The following PDPK1 variants were observed in gnomAD, a reference collection of about 807,000 sequenced individuals.
PDPK1 encodes 3-phosphoinositide-dependent protein kinase 1.
A neutral mutation model predicts 39.8 loss-of-function variants in PDPK1; 7 were observed. That is an observed-to-expected ratio of 0.18 (90% CI 0.10 to 0.33). The LOEUF is 0.33. Ranked by LOEUF, PDPK1 falls within the 10% of genes least tolerant of loss-of-function variation. The probability of loss-of-function intolerance (pLI) is 1.00; values close to 1 mark genes in which losing one functional copy is unlikely to be tolerated. For missense variants in PDPK1, 182 were observed against 384.7 expected (o/e 0.47, Z 4.41); for synonymous variants, 118 against 159.1 (o/e 0.74, Z 1.95).
Position 2,598,681 on chromosome 16 carries a change from C to T in PDPK1, c.*914C>T, listed in dbSNP as rs913050675. On this transcript the variant is annotated 3_prime_UTR_variant, in exon 14 of 14. Coordinates refer to ENST00000342085, the MANE Select transcript of PDPK1 (RefSeq NM_002613.5). ...CAGAGCAGAGAGGGCTGCTGACTTC[C>T]GTGTGGAGCAGAGAGGCCTGAGGGC... is the stretch of plus-strand genomic sequence containing the variant. 15 of 233,282 alleles carry T rather than the reference C, an allele frequency of 6.4e-5. No individual in the cohort carries two copies. The highest frequency in any genetic ancestry group is 1.8e-4 in the South Asian group (1 of 5,540). The allele number at this position is 233,282 out of a possible 1,614,324, so 14.5% of individuals were successfully genotyped here.
Position 2,597,864 on chromosome 16 carries a change from C to A in PDPK1, c.*97C>A. ...CGCTTCCAGACCACCTGCCAGCCAT[C>A]ACAAGGGGAACGCAGAGGCGGAAAC... On this transcript the variant is annotated 3_prime_UTR_variant, in exon 14 of 14. Transcript: ENST00000342085. This position sits in a 1 kb window ranked among gnomAD's most constrained non-coding sequence, Gnocchi z 6.3. 1 of 745,430 alleles carries A rather than the reference C, an allele frequency of 1.3e-6. No homozygotes were observed. The highest frequency in any genetic ancestry group is 2.3e-6 in the Non-Finnish European group (1 of 431,406). 46.2% of individuals were successfully genotyped at this position (745,430 alleles called of 1,614,324 possible). A position where few individuals can be genotyped will look rare whatever the true frequency, so the allele number is the denominator to read the frequency against.
chr16:2,547,356 CAG>C (rs1238480804), intron 1 of PDPK1, among the ~76,000 whole-genome samples: 1 of 126,294 alleles, frequency 7.9e-6, no homozygotes, highest in Admixed American at 7.6e-5. Context: ...CTCAGACGCT[CAG>C]ATGCTCGGAG....
intron 1 of PDPK1, 117 bp downstream of exon 1, chr16:2,538,253 C>T (rs1007150539): frequency 7.0e-6 from 3 of 429,532 alleles, no homozygotes; most frequent in Non-Finnish European, 9.5e-6. Flanking sequence ...GCCTCCTTAC[C>T]TGCAGCCGGG....
At chr16:2,541,021 T>C (rs1468938753) in intron 1 of PDPK1, among the ~76,000 whole-genome samples, 1 of 152,026 alleles carries the variant, frequency 6.6e-6, no homozygotes, top group Non-Finnish European at 1.5e-5. Context: ...TGGTGCATAG[T>C]GTGATGTATT....
intron 11 of PDPK1, among the ~76,000 whole-genome samples, chr16:2,591,072 C>T (rs1460615951): frequency 6.6e-6 from 1 of 151,874 alleles, no homozygotes; most frequent in African/African-American, 2.4e-5. Flanking sequence ...AAGCATTTCT[C>T]CTGCCTCAGC....
chr16:2,539,663 G>A (rs535404710), intron 1 of PDPK1: 1 of 152,276 alleles, frequency 6.6e-6, no homozygotes, highest in African/African-American at 2.4e-5. Context: ...AGAGTGGCCC[G>A]GGTAACATAA....
rs988882116 is a variant in PDPK1 at position 2,600,377 on chromosome 16, G to C, written c.*2610G>C. 14 of 232,818 alleles carry C rather than the reference G, an allele frequency of 6.0e-5. No individual in the cohort carries two copies. Among genetic ancestry groups the C allele is most frequent in the Non-Finnish European group, 1.0e-4 (12 of 118,086 alleles). The allele number at this position is 232,818 out of a possible 1,614,324, so 14.4% of individuals were successfully genotyped here. Reference sequence around the variant, plus strand: ...TCTCGGCACAAAGCGGAGGGAGGCTGTGGTCGCTGCCGGCCTAGGTGTCCC... The same window carrying C: ...TCTCGGCACAAAGCGGAGGGAGGCTCTGGTCGCTGCCGGCCTAGGTGTCCC... On this transcript the variant is annotated 3_prime_UTR_variant, in exon 14 of 14. Transcript: ENST00000342085.
chr16:2,596,229 TCC>T (rs2067098347), intron 12 of PDPK1, among the ~76,000 whole-genome samples: 2 of 152,184 alleles, frequency 1.3e-5, no homozygotes, highest in South Asian at 4.1e-4. Context: ...TCTTGCTCTG[TCC>T]CCCAGGCTAG....
At chr16:2,586,967 C>A in intron 11 of PDPK1, 74 bp downstream of exon 11, 1 of 1,325,374 alleles carries the variant, frequency 7.5e-7, no homozygotes, top group Non-Finnish European at 1.1e-6. Context: ...ATGGTGGGTG[C>A]CTTTGCCTTG....
intron 11 of PDPK1, among the ~76,000 whole-genome samples, chr16:2,587,929 T>C (rs1411374815): frequency 1.3e-5 from 2 of 152,216 alleles, no homozygotes; most frequent in African/African-American, 4.8e-5. Context: ...TCCCCCCTAA[T>C]ATTTTTACCT....
At chr16:2,595,667 C>A in intron 11 of PDPK1, 126 bp from the exon 12 acceptor site, 1 of 751,576 alleles carries the variant, frequency 1.3e-6, no homozygotes, top group Non-Finnish European at 2.4e-6. Context: ...CTCTGCTCAT[C>A]CCAAAGTGAG....
At chr16:2,544,889 A>T (rs1597018813) in intron 1 of PDPK1, among the ~76,000 whole-genome samples, 2 of 151,408 alleles carry the variant, frequency 1.3e-5, no homozygotes, top group African/African-American at 2.4e-5. Flanking sequence ...CTGGCCCAAA[A>T]TTTTTTTCTA....
At chr16:2,547,017 G>A (rs1465796679) in intron 1 of PDPK1, among the ~76,000 whole-genome samples, 3 of 149,144 alleles carry the variant, frequency 2.0e-5, no homozygotes, top group Admixed American at 2.0e-4. Flanking sequence ...GTGCTGGCTG[G>A]CACACAGCAC....
intron 11 of PDPK1, among the ~76,000 whole-genome samples, chr16:2,588,288 G>T (rs2066918128): frequency 6.6e-6 from 1 of 152,178 alleles, no homozygotes; most frequent in South Asian, 2.1e-4. Context: ...CAGGAGAGGA[G>T]GGCTCTTGAT....
chr16:2,601,874 TTTGG>T lies in PDPK1; in HGVS notation c.*4112_*4115del. ...TGGCAGCAAGTCCAGACCACCCAAA[TTTGG>T]TTGGATTCTTCATTTCTCCACTGTA... is the stretch of plus-strand genomic sequence containing the variant. On this transcript the variant is annotated 3_prime_UTR_variant, in exon 14 of 14. Coordinates refer to ENST00000342085, the MANE Select transcript of PDPK1 (RefSeq NM_002613.5). 1 of 227,686 alleles carries T rather than the reference TTTGG, an allele frequency of 4.4e-6. No individual in the cohort carries two copies. Among genetic ancestry groups the T allele is most frequent in the African/African-American group, 2.2e-5 (1 of 44,882 alleles). The allele number at this position is 227,686 out of a possible 1,614,324, so 14.1% of individuals were successfully genotyped here.
Position 2,598,116 on chromosome 16 carries a change from C to T in PDPK1, c.*349C>T, listed in dbSNP as rs1419250354. On this transcript the variant is annotated 3_prime_UTR_variant, in exon 14 of 14. Transcript: ENST00000342085. ...TGGTGTCACCAGTTTTTCCTAGCAT[C>T]AGTCCGAACCATGCGCCCGCCCTGC... 3.1e-6 allele frequency: 1 copy of T among 322,652 alleles called. No individual in the cohort carries two copies. Among genetic ancestry groups the T allele is most frequent in the East Asian group, 5.1e-5 (1 of 19,546 alleles). The allele number at this position is 322,652 out of a possible 1,614,324, so 20.0% of individuals were successfully genotyped here.
At position 2,598,963 on chromosome 16, in the gene PDPK1, C is replaced by T. The variant is rs1356517873; in HGVS notation, c.*1196C>T. 6 of 233,236 alleles carry T rather than the reference C, an allele frequency of 2.6e-5. No homozygotes were observed. The highest frequency in any genetic ancestry group is 4.2e-5 in the Non-Finnish European group (5 of 118,074). 14.4% of individuals were successfully genotyped at this position (233,236 alleles called of 1,614,324 possible). A position where few individuals can be genotyped will look rare whatever the true frequency, so the allele number is the denominator to read the frequency against. Reference sequence around the variant, plus strand: ...TCTGGGCCCATAGAGTGGGCTTTGCCAGTTGCTGTTGCACAGGAGGCGAGA... The same window carrying T: ...TCTGGGCCCATAGAGTGGGCTTTGCTAGTTGCTGTTGCACAGGAGGCGAGA... On this transcript the variant is annotated 3_prime_UTR_variant, in exon 14 of 14. Transcript: ENST00000342085.
chr16:2,602,475 A>G lies in PDPK1; in HGVS notation c.*4708A>G, dbSNP rs201156361. 3.8e-4 allele frequency: 89 copies of G among 235,098 alleles called. 1 individual carries two copies. In the Middle Eastern group the frequency reaches 3.8e-3, roughly 10 times the overall value. The allele number at this position is 235,098 out of a possible 1,614,324, so 14.6% of individuals were successfully genotyped here. On this transcript the variant is annotated 3_prime_UTR_variant, in exon 14 of 14. Transcript: ENST00000342085. ...CTTCCATATGAAGAAACACCAAACT[A>G]TGTACAGAGAACTTTTTACAAAAGG...
Position 2,586,812 on chromosome 16 carries a change from C to G in PDPK1, c.1262C>G (p.Ser421Trp), listed in dbSNP as rs547797391. 2 of 1,614,240 alleles carry G rather than the reference C, an allele frequency of 1.2e-6. No homozygotes were observed. The highest frequency in any genetic ancestry group is 1.7e-6 in the Non-Finnish European group (2 of 1,180,040). ...NIEQYIHDLD[S>W]NSFELDLQFS... ...GAGCAGTACATTCACGATCTGGACT[C>G]GAACTCCTTTGAACTGGACTTACAG... Residue 421 changes from serine (S) to tryptophan (W), a missense_variant, in exon 11 of 14, where the codon TCG becomes TGG. By Grantham distance (177) the Ser-to-Trp change is radical. Coordinates refer to ENST00000342085, the MANE Select transcript of PDPK1 (RefSeq NM_002613.5).
Sources: allele counts gnomAD v4.1 joint callset (sites outside exome capture counted in the v4.1 genomes callset), GRCh38; gene constraint gnomAD v4.1.1; non-coding constraint Gnocchi (gnomAD v3.1); transcripts MANE v1.5; gene names NCBI Gene and HGNC (gene_info 2026-07-23, HGNC 2026-07-21).